Variants in SLC9C2 observed in about 807,000 individuals in gnomAD.
SLC9C2 encodes the protein sodium/hydrogen exchanger 11.
SLC9C2 carries 75 observed loss-of-function variants against 140.2 expected under a neutral mutation model. That is an observed-to-expected ratio of 0.53 (90% CI 0.44 to 0.65). The LOEUF (loss-of-function observed/expected upper bound fraction) is 0.65, where lower values mean the gene tolerates loss of function less well. SLC9C2 is among the 30% of genes least tolerant of loss of function. The pLI is 0.00. For synonymous variants in SLC9C2, 375 were observed against 420.9 expected, an observed-to-expected ratio of 0.89 and a Z score of 1.34; for missense variants, 1,074 against 1,331.8, an observed-to-expected ratio of 0.81 and a Z score of 3.01.
At chr1:173,556,255 C>T (rs530138270) in intron 10 of SLC9C2, among the ~76,000 whole-genome samples, 4 of 152,232 alleles carry the variant, frequency 2.6e-5, no homozygotes, top group East Asian at 1.9e-4. Context: ...ACAAGGTGCA[C>T]GGCCAGCAGA....
chr1:173,522,045 G>A (rs781418927), intron 21 of SLC9C2, among the ~76,000 whole-genome samples: 21 of 151,864 alleles, frequency 1.4e-4, no homozygotes, highest in Non-Finnish European at 2.1e-4. Flanking sequence ...AACAATACAC[G>A]GTGAAACCCC....
intron 4 of SLC9C2, among the ~76,000 whole-genome samples, chr1:173,592,496 A>G (rs996730743): frequency 3.9e-5 from 6 of 152,172 alleles, no homozygotes; most frequent in African/African-American, 1.4e-4. Flanking sequence ...TGAGCATGGA[A>G]TGTTTTTCCA....
intron 24 of SLC9C2, 147 bp from the exon 25 acceptor site, chr1:173,507,188 A>T: frequency 1.5e-6 from 1 of 652,958 alleles, no homozygotes; most frequent in South Asian, 1.9e-5. Context: ...TTTATTTAGC[A>T]TTCAGAATGG....
chr1:173,584,196 C>CA (rs34732663), intron 5 of SLC9C2, among the ~76,000 whole-genome samples: 60,916 of 151,892 alleles, frequency 0.4, 14,954 homozygotes, highest in East Asian at 0.68. Flanking sequence ...CTTACTGATA[C>CA]TATTAAAACC....
At chr1:173,524,428 T>C (rs1661052512) in intron 20 of SLC9C2, among the ~76,000 whole-genome samples, 1 of 152,168 alleles carries the variant, frequency 6.6e-6, no homozygotes, top group South Asian at 2.1e-4. Flanking sequence ...AAATGGAGAA[T>C]CTAGAAAGCT....
intron 8 of SLC9C2, among the ~76,000 whole-genome samples, chr1:173,574,815 TA>T (rs1161770338): frequency 6.6e-6 from 1 of 152,062 alleles, no homozygotes; most frequent in Non-Finnish European, 1.5e-5. Context: ...CGGCCTGAGT[TA>T]AATACTTTTA....
chr1:173,550,308 G>A lies in SLC9C2; in HGVS notation c.1298-1756C>T, dbSNP rs182328206. On this transcript the variant is annotated intron_variant, in intron 11 of 27. Transcript: ENST00000367714. ...ACTCCCAGCTATTCAGGAGGCTGAG[G>A]CAGGAGTATCACTTGAGTCCAGGAG... Among the ~76,000 whole-genome samples, 1,009 of 152,150 alleles carry A rather than the reference G, an allele frequency of 6.6e-3. 6 individuals carry two copies. The highest frequency in any genetic ancestry group is 0.022 in the African/African-American group (907 of 41,510).
At chr1:173,599,481 T>C (rs866023993) in intron 3 of SLC9C2, among the ~76,000 whole-genome samples, 16 of 142,144 alleles carry the variant, frequency 1.1e-4, no homozygotes, top group Non-Finnish European at 4.5e-5. Flanking sequence ...TTCACGCCAT[T>C]CTCCCGCCTC....
chr1:173,554,308 G>A (rs984974651), intron 11 of SLC9C2, among the ~76,000 whole-genome samples: 1 of 152,114 alleles, frequency 6.6e-6, no homozygotes, highest in Non-Finnish European at 1.5e-5. Context: ...ACCCTCCATT[G>A]CCACACACCC....
intron 9 of SLC9C2, among the ~76,000 whole-genome samples, chr1:173,564,637 C>CTTTTTTTTTTT (rs200972272): frequency 8.4e-6 from 1 of 119,748 alleles, no homozygotes; most frequent in Non-Finnish European, 1.7e-5. Context: ...TTTTCCTTTT[C>CTTTTTTTTTTT]TTTTTTTTTT....
At chr1:173,580,555 A>G (rs1456202075) in intron 7 of SLC9C2, among the ~76,000 whole-genome samples, 1 of 152,064 alleles carries the variant, frequency 6.6e-6, no homozygotes, top group African/African-American at 2.4e-5. Flanking sequence ...GTTTCACTAT[A>G]TTGGCCAGGC....
chr1:173,561,856 G>C (rs5003281), intron 9 of SLC9C2, among the ~76,000 whole-genome samples: 17,156 of 98,588 alleles, frequency 0.17, 1,190 homozygotes, highest in East Asian at 0.46. Flanking sequence ...CACACACACA[G>C]ACACAGACAC....
Position 173,573,176 on chromosome 1 carries a change from T to A in SLC9C2, c.1046+6A>T. On this transcript the variant is annotated splice_donor_region_variant and intron_variant, in intron 9 of 27. Transcript: ENST00000367714. ...TAGTAAACAAACTTTAAAATATTAT[T>A]CTTACCTTACCAAATTCACTGTTGT... 6.6e-7 allele frequency: 1 copy of A among 1,526,312 alleles called. No homozygotes were observed. Among genetic ancestry groups the A allele is most frequent in the Non-Finnish European group, 8.9e-7 (1 of 1,119,624 alleles). The allele number at this position is 1,526,312 out of a possible 1,614,324, so 94.5% of individuals were successfully genotyped here.
At chr1:173,552,037 C>A (rs1228480794) in intron 11 of SLC9C2, among the ~76,000 whole-genome samples, 3 of 152,142 alleles carry the variant, frequency 2.0e-5, no homozygotes, top group African/African-American at 4.8e-5. Flanking sequence ...GGCAAAACAG[C>A]CTTATTGCTG....
intron 8 of SLC9C2, among the ~76,000 whole-genome samples, chr1:173,575,613 G>C (rs940978959): frequency 2.6e-5 from 4 of 152,122 alleles, no homozygotes; most frequent in Non-Finnish European, 4.4e-5. Flanking sequence ...GTCTCGCTCT[G>C]TCACTCAGGC....
At chr1:173,579,059 A>G (rs1259509002) in intron 7 of SLC9C2, among the ~76,000 whole-genome samples, 1 of 152,222 alleles carries the variant, frequency 6.6e-6, no homozygotes, top group Non-Finnish European at 1.5e-5. Flanking sequence ...ATCAGTATAT[A>G]TAGCACACAC....
chr1:173,538,353 C>T (rs938464421), intron 13 of SLC9C2, among the ~76,000 whole-genome samples: 3 of 152,172 alleles, frequency 2.0e-5, no homozygotes, highest in African/African-American at 7.2e-5. Context: ...CGGCCCTGCC[C>T]ATCAAGAAGT....
intron 6 of SLC9C2, among the ~76,000 whole-genome samples, chr1:173,582,271 T>G (rs909535557): frequency 1.3e-5 from 2 of 152,114 alleles, no homozygotes; most frequent in Non-Finnish European, 2.9e-5. Context: ...GCAAGGAGAA[T>G]AAATGGGAAA....
intron 21 of SLC9C2, among the ~76,000 whole-genome samples, chr1:173,523,296 C>T (rs1004329188): frequency 4.0e-5 from 6 of 151,764 alleles, no homozygotes; most frequent in Non-Finnish European, 7.4e-5. Context: ...CACTTGAACC[C>T]GGGAGGCGGA....
Sources: allele counts gnomAD v4.1 joint callset (sites outside exome capture counted in the v4.1 genomes callset), GRCh38; gene constraint gnomAD v4.1.1; transcripts MANE v1.5; gene names NCBI Gene and HGNC (gene_info 2026-07-23, HGNC 2026-07-21).